Variants in RASGRP3 observed in about 807,000 individuals in gnomAD.
RASGRP3 encodes the protein RAS guanyl releasing protein 3, also known as ras guanyl-releasing protein 3.
In RASGRP3, 54 loss-of-function variants were observed where a neutral mutation model predicts 82.7. The observed-to-expected ratio is 0.65, with a 90% CI of 0.52 to 0.82. RASGRP3 has a LOEUF of 0.82. Ranked by LOEUF, RASGRP3 falls within the 40% of genes least tolerant of loss-of-function variation. The pLI, the probability that RASGRP3 is intolerant of heterozygous loss-of-function variation, is 0.00. For synonymous variants in RASGRP3, 309 were observed against 300.5 expected, an observed-to-expected ratio of 1.03 and a Z score of -0.29; for missense variants, 861 against 828.9, an observed-to-expected ratio of 1.04 and a Z score of -0.48.
chr2:33,455,097 A>C lies in RASGRP3; in HGVS notation c.-261+7154A>C, dbSNP rs183943481. On this transcript the variant is annotated intron_variant, in intron 2 of 18. Transcript: ENST00000402538. ...GAAAACAGTGTCATAGATGTCAACT[A>C]TAGCTTCTCACCCTCTTCTATAGGA... Among the ~76,000 whole-genome samples the C allele has an allele frequency of 1.2e-3, 177 of 152,318 alleles. 1 individual carries two copies. The highest frequency in any genetic ancestry group is 8.4e-3 in the Admixed American group (128 of 15,302).
chr2:33,559,104 G>C lies in RASGRP3; in HGVS notation c.2064+74G>C. On this transcript the variant is annotated intron_variant, in intron 17 of 17. Transcript: ENST00000403687. ...AGTGCTGAGATGAGCGTTACAGAGG[G>C]TCTGGGGGGCAGCCTGGTAGTTCTG... The C allele has an allele frequency of 3.2e-6, 4 of 1,265,862 alleles. No homozygotes were observed. In the Middle Eastern group the frequency reaches 7.8e-4, roughly 246 times the overall value. 78.4% of individuals were successfully genotyped at this position (1,265,862 alleles called of 1,614,324 possible). A position where few individuals can be genotyped will look rare whatever the true frequency, so the allele number is the denominator to read the frequency against.
At chr2:33,528,617 C>G (rs548766075) in intron 10 of RASGRP3, among the ~76,000 whole-genome samples, 113 of 152,326 alleles carry the variant, frequency 7.4e-4, no homozygotes, top group African/African-American at 2.5e-3. Flanking sequence ...TTCTGAGAGC[C>G]TAAATCCCCT....
chr2:33,442,084 T>C (rs545781423), intron 1 of RASGRP3, among the ~76,000 whole-genome samples: 1 of 152,324 alleles, frequency 6.6e-6, no homozygotes, highest in African/African-American at 2.4e-5. Context: ...TGACCCCATT[T>C]GCTTAAAAAA....
chr2:33,522,238 G>C (rs1333668638), intron 7 of RASGRP3, 136 bp downstream of exon 7: 3 of 931,934 alleles, frequency 3.2e-6, no homozygotes, highest in African/African-American at 3.3e-5. Flanking sequence ...TAATTCACAG[G>C]AACAATCCCT....
At chr2:33,546,336 T>C (rs1239554449) in intron 13 of RASGRP3, among the ~76,000 whole-genome samples, 1 of 148,752 alleles carries the variant, frequency 6.7e-6, no homozygotes, top group Non-Finnish European at 1.5e-5. Context: ...GGCAGGAGAA[T>C]GGCATGAACC....
chr2:33,555,340 T>C, intron 14 of RASGRP3, 191 bp from the exon 15 acceptor site: 1 of 445,698 alleles, frequency 2.2e-6, no homozygotes, highest in South Asian at 4.2e-5. Context: ...GAAAGGAAAC[T>C]CATGTTATCA....
At chr2:33,551,538 C>T (rs1030226099) in intron 14 of RASGRP3, among the ~76,000 whole-genome samples, 5 of 152,000 alleles carry the variant, frequency 3.3e-5, no homozygotes, top group Non-Finnish European at 7.4e-5. Context: ...TCAGAAGACC[C>T]TTATCAAATC....
chr2:33,501,197 C>G (rs1553345563), intron 1 of RASGRP3, among the ~76,000 whole-genome samples: 1 of 152,184 alleles, frequency 6.6e-6, no homozygotes, highest in Non-Finnish European at 1.5e-5. Flanking sequence ...TGTCTGGCCT[C>G]TTTCACTTAG....
intron 1 of RASGRP3, among the ~76,000 whole-genome samples, chr2:33,503,855 A>G (rs928108829): frequency 3.9e-5 from 6 of 152,226 alleles, no homozygotes; most frequent in Non-Finnish European, 7.4e-5. Flanking sequence ...AAGGAAATCT[A>G]TTTATTAAAG....
At chr2:33,510,846 G>A (rs551999390) in intron 1 of RASGRP3, among the ~76,000 whole-genome samples, 1 of 152,268 alleles carries the variant, frequency 6.6e-6, no homozygotes, top group African/African-American at 2.4e-5. Flanking sequence ...GAGAGGTTCT[G>A]AGTCAAGAGC....
rs1673977665 is a variant in RASGRP3 at position 33,539,185 on chromosome 2, A to ACAAG, written c.1256_1259dup (p.His420GlnfsTer12). 3 of 1,609,104 alleles carry ACAAG rather than the reference A, an allele frequency of 1.9e-6. No individual in the cohort carries two copies. In the South Asian group the frequency reaches 3.3e-5, roughly 18 times the overall value. On this transcript the variant is annotated frameshift_variant, in exon 12 of 18. Coordinates refer to ENST00000403687, the MANE Select transcript of RASGRP3 (RefSeq NM_001139488.2). LOFTEE classifies it high-confidence loss of function. ...CCAAAGCCAGACCCCACGGTCATCA[A>ACAAG]CAAGCACATAAGGAAATTAGTGGAG...
intron 17 of RASGRP3, among the ~76,000 whole-genome samples, 176 bp downstream of exon 17, chr2:33,559,206 T>C (rs371356016): frequency 8.4e-4 from 128 of 152,310 alleles, no homozygotes; most frequent in Middle Eastern, 3.4e-3. Context: ...CCTGGACATA[T>C]GTTTCTTCTT....
At chr2:33,531,697 T>C (rs1673120771) in intron 10 of RASGRP3, 1 of 151,850 alleles carries the variant, frequency 6.6e-6, no homozygotes, top group South Asian at 2.1e-4. Flanking sequence ...AAGCAGAGAG[T>C]GAGTATTTGG....
intron 13 of RASGRP3, among the ~76,000 whole-genome samples, chr2:33,548,717 A>ATTATTT (rs1553363736): frequency 4.0e-5 from 6 of 151,884 alleles, no homozygotes; most frequent in East Asian, 1.9e-4. Context: ...TATTATTATT[A>ATTATTT]TTTTTTGAGA....
chr2:33,520,866 T>A (rs1671966605), intron 6 of RASGRP3, among the ~76,000 whole-genome samples, 182 bp downstream of exon 6: 1 of 152,130 alleles, frequency 6.6e-6, no homozygotes, highest in Non-Finnish European at 1.5e-5. Flanking sequence ...AAGCTTCAGT[T>A]TTTTTTATTT....
At chr2:33,458,219 G>T (rs1666152710) in intron 2 of RASGRP3, 1 of 152,174 alleles carries the variant, frequency 6.6e-6, no homozygotes, top group Non-Finnish European at 1.5e-5. Context: ...TTGGTTGAAT[G>T]CCATTTTTAG....
At chr2:33,522,915 C>G (rs1253691532) in intron 7 of RASGRP3, among the ~76,000 whole-genome samples, 1 of 152,160 alleles carries the variant, frequency 6.6e-6, no homozygotes, top group Non-Finnish European at 1.5e-5. Context: ...CACAGGCAGG[C>G]CATGGGAGTC....
chr2:33,483,313 G>T (rs1368667854), intron 1 of RASGRP3, among the ~76,000 whole-genome samples: 1 of 152,086 alleles, frequency 6.6e-6, no homozygotes, highest in Non-Finnish European at 1.5e-5. Context: ...TAGGTTCTAA[G>T]CCCCTTGGAA....
intron 1 of RASGRP3, among the ~76,000 whole-genome samples, chr2:33,444,238 C>T (rs899079201): frequency 6.6e-6 from 1 of 151,908 alleles, no homozygotes; most frequent in African/African-American, 2.4e-5. Context: ...CCCAGTATTT[C>T]GAGGATGCAG....
Sources: allele counts gnomAD v4.1 joint callset (sites outside exome capture counted in the v4.1 genomes callset), GRCh38; gene constraint gnomAD v4.1.1; transcripts MANE v1.5; gene names NCBI Gene and HGNC (gene_info 2026-07-23, HGNC 2026-07-21).